LPCAT3: variants seen among roughly 807,000 people sequenced by gnomAD.
LPCAT3 encodes lysophosphatidylcholine acyltransferase 3.
A neutral mutation model predicts 63.4 loss-of-function variants in LPCAT3; 21 were observed. The ratio of observed to expected loss-of-function variants is 0.33; its 90% CI spans 0.23 to 0.48. The LOEUF (loss-of-function observed/expected upper bound fraction) is 0.48, where lower values mean the gene tolerates loss of function less well. LPCAT3 is among the 20% of genes least tolerant of loss of function. LPCAT3 has a pLI of 0.99. For synonymous variants in LPCAT3, 242 were observed against 227.5 expected (o/e 1.06, Z -0.58); for missense variants, 451 against 590.6 (o/e 0.76, Z 2.45).
chr12:7,011,524 C>T (rs782800358), intron 1 of LPCAT3, among the ~76,000 whole-genome samples: 1 of 151,896 alleles, frequency 6.6e-6, no homozygotes, highest in South Asian at 2.1e-4. Flanking sequence ...TGGCTCACGC[C>T]TGTAGTTCCA....
chr12:7,006,718 T>G (rs1946727326), intron 1 of LPCAT3, among the ~76,000 whole-genome samples: 1 of 152,220 alleles, frequency 6.6e-6, no homozygotes, highest in Non-Finnish European at 1.5e-5. Context: ...ACTCCAACTT[T>G]AATCAATCTT....
chr12:7,008,920 A>G (rs775137500), intron 1 of LPCAT3, among the ~76,000 whole-genome samples: 11 of 152,238 alleles, frequency 7.2e-5, no homozygotes, highest in Non-Finnish European at 1.6e-4. Context: ...TAACATCCAG[A>G]GCAGGAACTC....
intron 1 of LPCAT3, among the ~76,000 whole-genome samples, chr12:6,984,807 C>T (rs1946504762): frequency 6.6e-6 from 1 of 152,160 alleles, no homozygotes; most frequent in African/African-American, 2.4e-5. Context: ...CTGGCCTTGA[C>T]CTCCTGGGCT....
At chr12:6,980,021 CTTT>C (rs34110645) in intron 6 of LPCAT3, 104 of 122,806 alleles carry the variant, frequency 8.5e-4, no homozygotes, top group African/African-American at 2.8e-3. Flanking sequence ...GGCAATTAAA[CTTT>C]TTTTTTTTTT....
intron 1 of LPCAT3, among the ~76,000 whole-genome samples, chr12:7,007,656 G>A (rs1425823087): frequency 6.6e-6 from 1 of 151,092 alleles, no homozygotes; most frequent in African/African-American, 2.4e-5. Context: ...CACCGTGCCC[G>A]GCTAATTTTT....
Position 6,978,348 on chromosome 12 carries a change from C to G in LPCAT3, c.1033G>C (p.Val345Leu), listed in dbSNP as rs372779694. Residue 345 changes from valine to leucine, a missense_variant, in exon 9 of 13, where the codon GTG (valine) becomes CTG (leucine). Coordinates refer to ENST00000261407, the MANE Select transcript of LPCAT3 (RefSeq NM_005768.6). ...ASFNINTNAW[V>L]ARYIFKRLKF... ...TCCCCACCAGCAGCTCACCGGGCCA[C>G]CCAGGCGTTGGTGTTGATGTTGAAT... 2.5e-6 allele frequency: 4 copies of G among 1,608,690 alleles called. No homozygotes were observed. Among genetic ancestry groups the G allele is most frequent in the East Asian group, 2.2e-5 (1 of 44,824 alleles).
At chr12:6,989,606 G>C (rs890569096) in intron 1 of LPCAT3, among the ~76,000 whole-genome samples, 1 of 152,016 alleles carries the variant, frequency 6.6e-6, no homozygotes, top group Non-Finnish European at 1.5e-5. Context: ...CCAATGCTGT[G>C]GTCTTTCAAG....
intron 1 of LPCAT3, among the ~76,000 whole-genome samples, chr12:6,985,531 T>C (rs1182535085): frequency 6.7e-6 from 1 of 149,382 alleles, no homozygotes; most frequent in Non-Finnish European, 1.5e-5. Context: ...CTGGCCAACA[T>C]GGTGAAACCC....
intron 1 of LPCAT3, among the ~76,000 whole-genome samples, chr12:7,003,922 C>G (rs1288004378): frequency 1.5e-5 from 2 of 135,826 alleles, no homozygotes; most frequent in Non-Finnish European, 3.1e-5. Context: ...GAGCGAGACT[C>G]CGTCTCAAAA....
chr12:6,992,296 G>A (rs1176085959), intron 1 of LPCAT3, among the ~76,000 whole-genome samples: 16 of 151,244 alleles, frequency 1.1e-4, no homozygotes, highest in East Asian at 5.8e-4. Flanking sequence ...TGCCCCCACC[G>A]CACTCTAGCC....
intron 1 of LPCAT3, among the ~76,000 whole-genome samples, chr12:7,013,310 G>A (rs1946777809): frequency 6.6e-6 from 1 of 152,208 alleles, no homozygotes; most frequent in South Asian, 2.1e-4. Context: ...TTGGGACGAG[G>A]CTGGGGCAGC....
At chr12:7,005,084 G>A (rs782803770) in intron 1 of LPCAT3, among the ~76,000 whole-genome samples, 4 of 152,206 alleles carry the variant, frequency 2.6e-5, no homozygotes, top group African/African-American at 9.6e-5. Context: ...ACCGCATAGT[G>A]GCCATTCCCA....
In LPCAT3 at chr12:6,977,852, T is replaced by A; in HGVS notation, c.1041-107A>T. ...GGATTGGATTGGAGTGCTGGTGGGT[T>A]CCCACGTGTAGCCCCCAGAGGGTAC... On this transcript the variant is annotated intron_variant, in intron 9 of 12. Coordinates refer to ENST00000261407, the MANE Select transcript of LPCAT3 (RefSeq NM_005768.6). The surrounding 1 kb of genome is among the most constrained non-coding windows in gnomAD (Gnocchi z 4.5). 1 of 1,350,736 alleles carries A rather than the reference T, an allele frequency of 7.4e-7. No individual in the cohort carries two copies. The highest frequency in any genetic ancestry group is 2.3e-5 in the East Asian group (1 of 43,586). 83.7% of individuals were successfully genotyped at this position (1,350,736 alleles called of 1,614,324 possible).
intron 1 of LPCAT3, among the ~76,000 whole-genome samples, chr12:7,015,333 AT>A (rs1434158199): frequency 6.6e-6 from 1 of 152,204 alleles, no homozygotes; most frequent in African/African-American, 2.4e-5. Flanking sequence ...ACCAGAAATC[AT>A]TTTGGACTAC....
chr12:6,981,693 T>G, intron 4 of LPCAT3, 61 bp from the exon 5 acceptor site: 1 of 1,519,502 alleles, frequency 6.6e-7, no homozygotes. Flanking sequence ...ATGTGGCCTG[T>G]AGACTGAGTG....
chr12:6,981,457 T>A, intron 5 of LPCAT3, 138 bp downstream of exon 5: 2 of 883,096 alleles, frequency 2.3e-6, no homozygotes, highest in Non-Finnish European at 3.8e-6. Context: ...TGCTCAGTGC[T>A]ATCTGAAAGG....
intron 1 of LPCAT3, chr12:6,988,050 T>TA (rs111464101): frequency 0.025 from 8,084 of 318,648 alleles, 15 homozygotes; most frequent in Non-Finnish European, 0.031. Context: ...TTTAAAGGTG[T>TA]AAAAAAAAAA....
At chr12:6,988,536 A>G (rs781785535) in intron 1 of LPCAT3, among the ~76,000 whole-genome samples, 4 of 152,142 alleles carry the variant, frequency 2.6e-5, no homozygotes, top group Non-Finnish European at 5.9e-5. Context: ...TCTGAGCCTT[A>G]ATGCTTTTTT....
At chr12:6,978,269 A>G (rs372278452) in intron 9 of LPCAT3, 72 bp downstream of exon 9, 15 of 1,518,668 alleles carry the variant, frequency 9.9e-6, no homozygotes, top group East Asian at 9.1e-5. Context: ...GACATGGTAC[A>G]CCCCTGCCCT....
Sources: gnomAD v4.1 joint callset for allele counts (sites outside exome capture counted in the v4.1 genomes callset) on GRCh38, gnomAD v4.1.1 for gene constraint, Gnocchi (gnomAD v3.1) non-coding constraint, MANE v1.5 for transcripts, NCBI Gene and HGNC (gene_info 2026-07-23, HGNC 2026-07-21) for gene names.